CNTN5: variants seen among roughly 807,000 people sequenced by gnomAD.
CNTN5 encodes the protein contactin-5.
Under a neutral mutation model 129.1 loss-of-function variants are expected in CNTN5, and 77 were observed. The ratio of observed to expected loss-of-function variants is 0.60; its 90% CI spans 0.50 to 0.72. CNTN5 has a LOEUF of 0.72. Among genes scored for constraint, CNTN5 ranks in the 30% least tolerant of loss-of-function variants. The probability of loss-of-function intolerance (pLI) is 0.00; values close to 1 mark genes in which losing one functional copy is unlikely to be tolerated. For missense variants in CNTN5, 1,478 were observed against 1,328.8 expected, an observed-to-expected ratio of 1.11 and a Z score of -1.75; for synonymous variants, 509 against 465.6, an observed-to-expected ratio of 1.09 and a Z score of -1.20.
At chr11:99,116,923 T>C (rs533880371) in intron 1 of CNTN5, among the ~76,000 whole-genome samples, 12 of 152,188 alleles carry the variant, frequency 7.9e-5, no homozygotes, top group Non-Finnish European at 1.3e-4. Flanking sequence ...GTATTTGTTC[T>C]GGGATGTAAT....
At chr11:100,022,198 T>G (rs995145377) in intron 9 of CNTN5, among the ~76,000 whole-genome samples, 1 of 152,216 alleles carries the variant, frequency 6.6e-6, no homozygotes, top group Non-Finnish European at 1.5e-5. Flanking sequence ...ATCACAGCAT[T>G]ATTTGCAAGG....
At chr11:99,717,707 A>G (rs1004372243) in intron 3 of CNTN5, among the ~76,000 whole-genome samples, 1 of 152,114 alleles carries the variant, frequency 6.6e-6, no homozygotes, top group Admixed American at 6.6e-5. Flanking sequence ...TTATAGCAAG[A>G]TGATAGAAAA....
chr11:99,136,314 C>T (rs1487639565), intron 1 of CNTN5, among the ~76,000 whole-genome samples: 1 of 152,098 alleles, frequency 6.6e-6, no homozygotes, highest in East Asian at 1.9e-4. Flanking sequence ...ATAGATCAAT[C>T]GACAGAAACA....
intron 3 of CNTN5, among the ~76,000 whole-genome samples, chr11:99,755,141 T>C (rs181404613): frequency 6.6e-6 from 1 of 152,292 alleles, no homozygotes; most frequent in East Asian, 1.9e-4. Flanking sequence ...AATGACATCT[T>C]GGTGGTTTCC....
At chr11:100,020,374 T>C (rs1419261534) in intron 9 of CNTN5, among the ~76,000 whole-genome samples, 1 of 152,068 alleles carries the variant, frequency 6.6e-6, no homozygotes, top group Non-Finnish European at 1.5e-5. Flanking sequence ...TCCTACACCA[T>C]TTATTAAAGA....
chr11:99,289,645 CCTTTTCCAGAGCAG>C (rs1369703787), intron 1 of CNTN5, among the ~76,000 whole-genome samples: 1 of 151,812 alleles, frequency 6.6e-6, no homozygotes, highest in African/African-American at 2.4e-5. Context: ...GCTTCTACCT[CCTTTTCCAGAGCAG>C]CTTTTAATCT....
chr11:99,298,469 A>T (rs1049152518), intron 1 of CNTN5, among the ~76,000 whole-genome samples: 2 of 152,156 alleles, frequency 1.3e-5, no homozygotes, highest in African/African-American at 2.4e-5. Flanking sequence ...GCCACTGTTA[A>T]CAGGTGCATA....
chr11:99,649,247 G>T (rs1952073177), intron 3 of CNTN5, among the ~76,000 whole-genome samples: 1 of 151,534 alleles, frequency 6.6e-6, no homozygotes, highest in Non-Finnish European at 1.5e-5. Flanking sequence ...TTATATAGAA[G>T]TATCTCCCAA....
intron 23 of CNTN5, among the ~76,000 whole-genome samples, chr11:100,347,923 C>G (rs1468312893): frequency 6.6e-6 from 1 of 152,058 alleles, no homozygotes; most frequent in Non-Finnish European, 1.5e-5. Flanking sequence ...TTTTAGCACA[C>G]TCTCCTCAAT....
intron 3 of CNTN5, among the ~76,000 whole-genome samples, chr11:99,583,345 C>T (rs1467099525): frequency 6.6e-6 from 1 of 152,228 alleles, no homozygotes; most frequent in Non-Finnish European, 1.5e-5. Flanking sequence ...CTACTCTCTT[C>T]AAAGCTGTCA....
At chr11:99,859,594 C>T (rs754199621) in intron 6 of CNTN5, among the ~76,000 whole-genome samples, 5 of 152,136 alleles carry the variant, frequency 3.3e-5, no homozygotes, top group African/African-American at 1.2e-4. Flanking sequence ...CAGGTGAGAA[C>T]GTGTGGTATT....
At chr11:100,292,534 A>G (rs1345965407) in intron 18 of CNTN5, among the ~76,000 whole-genome samples, 2 of 151,894 alleles carry the variant, frequency 1.3e-5, no homozygotes, top group African/African-American at 4.8e-5. Flanking sequence ...ATTCTAGAAA[A>G]CTCCGAAACT....
At chr11:99,585,575 T>C (rs1018821593) in intron 3 of CNTN5, among the ~76,000 whole-genome samples, 4 of 152,184 alleles carry the variant, frequency 2.6e-5, no homozygotes, top group Non-Finnish European at 4.4e-5. Context: ...AATTTTATTT[T>C]TTCAGTATTG....
At chr11:99,792,287 T>A (rs1945773082) in intron 3 of CNTN5, among the ~76,000 whole-genome samples, 1 of 152,182 alleles carries the variant, frequency 6.6e-6, no homozygotes, top group African/African-American at 2.4e-5. Context: ...GCCTAATTTC[T>A]TGAGAGTTTT....
intron 3 of CNTN5, among the ~76,000 whole-genome samples, chr11:99,722,715 C>T (rs1031765101): frequency 5.3e-5 from 8 of 151,986 alleles, no homozygotes; most frequent in Non-Finnish European, 5.9e-5. Context: ...TAAGATTTGT[C>T]AGAGAATTTT....
At chr11:99,401,792 T>A (rs998353874) in intron 2 of CNTN5, among the ~76,000 whole-genome samples, 1 of 152,132 alleles carries the variant, frequency 6.6e-6, no homozygotes, top group African/African-American at 2.4e-5. Context: ...TGGAGGTTTT[T>A]TTCCTTCTTT....
intron 15 of CNTN5, among the ~76,000 whole-genome samples, chr11:100,221,413 G>C (rs1457216234): frequency 6.6e-6 from 1 of 152,188 alleles, no homozygotes; most frequent in Non-Finnish European, 1.5e-5. Context: ...TCATTATTTA[G>C]GAATATAATT....
At chr11:99,359,753 C>T (rs1204044086) in intron 2 of CNTN5, among the ~76,000 whole-genome samples, 4 of 151,988 alleles carry the variant, frequency 2.6e-5, no homozygotes, top group East Asian at 1.9e-4. Context: ...AATTGCCTTA[C>T]AGCTGTGAGC....
Position 100,341,176 on chromosome 11 carries a change from G to C in CNTN5, c.3001G>C (p.Ala1001Pro). ...GGGCTGGGAACCCGTCATACCATTA[G>C]CCAACGAATCTGAAGTTGTGGGTTA... ...SLGWEPVIPL[A>P]NESEVVGYKV... Residue 1001 changes from alanine (A) to proline (P), a missense_variant, in exon 23 of 25, where the codon GCC (alanine) becomes CCC (proline). Coordinates refer to ENST00000524871, the MANE Select transcript of CNTN5 (RefSeq NM_014361.4). The C allele has an allele frequency of 6.2e-7, 1 of 1,613,764 alleles. No homozygotes were observed. The highest frequency in any genetic ancestry group is 1.7e-5 in the Admixed American group (1 of 60,026).
Sources: gnomAD v4.1 joint callset for allele counts (sites outside exome capture counted in the v4.1 genomes callset) on GRCh38, gnomAD v4.1.1 for gene constraint, MANE v1.5 for transcripts, NCBI Gene and HGNC (gene_info 2026-07-23, HGNC 2026-07-21) for gene names.